Variants in NXPE2 observed in about 807,000 individuals in gnomAD.
NXPE2 encodes NXPE family member 2.
Under a neutral mutation model 34.4 loss-of-function variants are expected in NXPE2, and 34 were observed. The ratio of observed to expected loss-of-function variants is 0.99; its 90% CI spans 0.75 to 1.31. NXPE2 has a LOEUF of 1.31. Among genes scored for constraint, NXPE2 ranks in the 40% most tolerant of loss-of-function variants. The pLI, the probability that NXPE2 is intolerant of heterozygous loss-of-function variation, is 0.00. For missense variants in NXPE2, 649 were observed against 672.5 expected, an observed-to-expected ratio of 0.97 and a Z score of 0.39; for synonymous variants, 235 against 231.3, an observed-to-expected ratio of 1.02 and a Z score of -0.15.
the NXPE2 span, among the ~76,000 whole-genome samples, chr11:114,507,189 T>C: frequency 1.4e-5 from 2 of 145,116 alleles, no homozygotes; most frequent in Non-Finnish European, 3.0e-5. Context: ...ATTGAATCCC[T>C]GAACAGACCA....
the NXPE2 span, among the ~76,000 whole-genome samples, chr11:114,805,655 T>C: frequency 6.6e-6 from 1 of 152,220 alleles, no homozygotes; most frequent in African/African-American, 2.4e-5. Flanking sequence ...GCGCCTGCCA[T>C]TGCCGAGTTA....
the NXPE2 span, among the ~76,000 whole-genome samples, chr11:114,663,586 CATCTATCTATCTATCT>C: frequency 1.3e-4 from 17 of 132,990 alleles, no homozygotes; most frequent in African/African-American, 3.4e-4. Flanking sequence ...CTCTATCTAT[CATCTATCTATCTATCT>C]ATCTATCTAT....
At chr11:114,522,729 G>T in the NXPE2 span, 1 of 673,336 alleles carries the variant, frequency 1.5e-6, no homozygotes, top group Non-Finnish European at 2.5e-6. Context: ...TATGAAAGAA[G>T]GAATAAAATA....
chr11:114,720,595 C>A, the NXPE2 span, among the ~76,000 whole-genome samples: 1 of 150,662 alleles, frequency 6.6e-6, no homozygotes, highest in African/African-American at 2.4e-5. Context: ...CAGGTGTGCT[C>A]TAAGTGTAAA....
the NXPE2 span, among the ~76,000 whole-genome samples, chr11:114,614,727 C>T: frequency 1.3e-5 from 2 of 151,458 alleles, no homozygotes; most frequent in Admixed American, 6.6e-5. Flanking sequence ...AGTGTTGCCT[C>T]CTGCGTAACC....
At chr11:114,466,985 T>C in the NXPE2 span, among the ~76,000 whole-genome samples, 1 of 152,174 alleles carries the variant, frequency 6.6e-6, no homozygotes, top group Non-Finnish European at 1.5e-5. Context: ...TTAGACAGCT[T>C]CCAGACAACA....
At chr11:114,574,415 A>G in the NXPE2 span, among the ~76,000 whole-genome samples, 1 of 152,088 alleles carries the variant, frequency 6.6e-6, no homozygotes, top group Non-Finnish European at 1.5e-5. Context: ...TGAAACAAAA[A>G]GCTGGTTCTT....
chr11:114,609,736 A>T, the NXPE2 span, among the ~76,000 whole-genome samples: 2 of 140,514 alleles, frequency 1.4e-5, no homozygotes, highest in South Asian at 2.3e-4. Context: ...TGCCTCATGG[A>T]TAACCACTGT....
chr11:114,678,705 A>C lies in NXPE2; in HGVS notation c.26+104A>C, dbSNP rs2088218907. On this transcript the variant is annotated intron_variant, in intron 1 of 5. Transcript: ENST00000389586. ...CAAATGGTGTGATGCAACCCTTTAG[A>C]GGATAGTAAAATCGTTTTATTTGGG... 8.7e-6 allele frequency: 7 copies of C among 803,780 alleles called. 1 individual carries two copies. In the South Asian group the frequency reaches 1.2e-4, roughly 13 times the overall value. 49.8% of individuals were successfully genotyped at this position (803,780 alleles called of 1,614,324 possible).
the NXPE2 span, among the ~76,000 whole-genome samples, chr11:114,745,123 A>C: frequency 6.6e-6 from 1 of 152,192 alleles, no homozygotes; most frequent in South Asian, 2.1e-4. Context: ...TGTTTGATGT[A>C]TATTAGAGAA....
At chr11:114,687,224 T>C (rs560620012) in intron 2 of NXPE2, among the ~76,000 whole-genome samples, 12 of 152,248 alleles carry the variant, frequency 7.9e-5, no homozygotes, top group Non-Finnish European at 1.3e-4. Context: ...CAAGTTTTCT[T>C]CTAGGATTTT....
At chr11:114,567,316 A>G in the NXPE2 span, among the ~76,000 whole-genome samples, 1 of 151,770 alleles carries the variant, frequency 6.6e-6, no homozygotes, top group Non-Finnish European at 1.5e-5. Context: ...GCCCTCACCT[A>G]CTTGTTCACA....
the NXPE2 span, among the ~76,000 whole-genome samples, chr11:114,779,426 T>G: frequency 6.6e-6 from 1 of 151,506 alleles, no homozygotes; most frequent in Non-Finnish European, 1.5e-5. Flanking sequence ...GGCTGGATGG[T>G]GGGCGAGGGA....
the NXPE2 span, chr11:114,522,160 G>A: frequency 6.2e-7 from 1 of 1,613,966 alleles, no homozygotes; most frequent in South Asian, 1.1e-5. Context: ...CTGTCTCTAT[G>A]TGCATCTCCC....
At chr11:114,698,869 T>C in intron 3 of NXPE2, 91 bp downstream of exon 3, 3 of 1,213,446 alleles carry the variant, frequency 2.5e-6, no homozygotes, top group Non-Finnish European at 3.3e-6. Context: ...TTTTGTATCA[T>C]GTCAATTATG....
the NXPE2 span, among the ~76,000 whole-genome samples, chr11:114,568,487 C>A: frequency 3.6e-4 from 51 of 142,562 alleles, no homozygotes; most frequent in Non-Finnish European, 7.7e-5. Context: ...CCCTTTATTT[C>A]CCCCTCTCTT....
the NXPE2 span, among the ~76,000 whole-genome samples, chr11:114,737,668 C>T: frequency 6.6e-6 from 1 of 152,136 alleles, no homozygotes; most frequent in African/African-American, 2.4e-5. Flanking sequence ...ATCCATTGAG[C>T]AGTGAACTGG....
the NXPE2 span, among the ~76,000 whole-genome samples, chr11:114,812,929 G>A: frequency 7.9e-5 from 12 of 152,276 alleles, no homozygotes; most frequent in East Asian, 2.3e-3. Flanking sequence ...CATCGGAGAT[G>A]TCAGAGCCTG....
chr11:114,671,088 AATAT>A, the NXPE2 span, among the ~76,000 whole-genome samples: 1 of 147,666 alleles, frequency 6.8e-6, no homozygotes, highest in South Asian at 2.1e-4. Flanking sequence ...TATATATATA[AATAT>A]ATATAAACAA....
Sources: gnomAD v4.1 joint callset for allele counts (sites outside exome capture counted in the v4.1 genomes callset) on GRCh38, gnomAD v4.1.1 for gene constraint, MANE v1.5 for transcripts, NCBI Gene and HGNC (gene_info 2026-07-23, HGNC 2026-07-21) for gene names.